The following RMP64 variants were observed in gnomAD, a reference collection of about 807,000 sequenced individuals.
RMP64 encodes the protein nucleolus and neural progenitor protein.
the RMP64 span, chr3:113,011,660 T>C: frequency 6.8e-6 from 2 of 294,302 alleles, no homozygotes; most frequent in East Asian, 5.6e-5. Flanking sequence ...AAGTACTACA[T>C]GGAGAAATGT....
At chr3:113,007,755 C>T in the RMP64 span, among the ~76,000 whole-genome samples, 2 of 152,188 alleles carry the variant, frequency 1.3e-5, no homozygotes. Context: ...GGAAGGCAGG[C>T]ACCTTCTGCT....
the RMP64 span, chr3:113,003,545 G>A: frequency 6.6e-6 from 1 of 152,120 alleles, no homozygotes; most frequent in Non-Finnish European, 1.5e-5. Flanking sequence ...CACATGTGAA[G>A]CTTTTTTGCC....
chr3:113,003,345 A>T, the RMP64 span: 4 of 152,064 alleles, frequency 2.6e-5, no homozygotes, highest in Admixed American at 1.3e-4. Flanking sequence ...CTGTCTCAAA[A>T]AATAATAATA....
At chr3:113,007,093 C>T in the RMP64 span, among the ~76,000 whole-genome samples, 1 of 152,124 alleles carries the variant, frequency 6.6e-6, no homozygotes, top group Admixed American at 6.5e-5. Flanking sequence ...GCCTCATCTA[C>T]CCTTGATTTT....
the RMP64 span, chr3:113,005,467 T>C: frequency 1.0e-6 from 1 of 992,788 alleles, no homozygotes; most frequent in Non-Finnish European, 1.6e-6. Context: ...TTCCAGATCT[T>C]AGCAGTTCTA....
At chr3:113,011,075 G>C in the RMP64 span, 1 of 1,605,732 alleles carries the variant, frequency 6.2e-7, no homozygotes, top group Non-Finnish European at 8.5e-7. Context: ...TTTACTGGCT[G>C]TCCAAGATCC....
the RMP64 span, chr3:113,019,041 C>T: frequency 6.3e-6 from 1 of 158,460 alleles, no homozygotes; most frequent in African/African-American, 2.4e-5. Context: ...TTCCCAACGC[C>T]CCTGTGAGGA....
chr3:113,003,674 T>C, the RMP64 span: 17 of 152,078 alleles, frequency 1.1e-4, no homozygotes, highest in Non-Finnish European at 1.6e-4. Flanking sequence ...CCATGCTATA[T>C]TGTCCTTAAC....
the RMP64 span, among the ~76,000 whole-genome samples, chr3:113,018,701 AT>A: frequency 6.6e-6 from 1 of 152,192 alleles, no homozygotes; most frequent in Non-Finnish European, 1.5e-5. Context: ...TTTAATATTC[AT>A]AACAGCTTCC....
At chr3:113,014,112 T>G in the RMP64 span, 1 of 848,838 alleles carries the variant, frequency 1.2e-6, no homozygotes, top group Non-Finnish European at 2.0e-6. Flanking sequence ...AAGCAAAGAC[T>G]TCTAGATTTT....
the RMP64 span, chr3:113,011,455 C>A: frequency 6.7e-7 from 1 of 1,487,090 alleles, no homozygotes; most frequent in South Asian, 1.4e-5. Context: ...TTACAATTTG[C>A]AGATTACATA....
At chr3:113,018,298 G>A in the RMP64 span, among the ~76,000 whole-genome samples, 1 of 152,196 alleles carries the variant, frequency 6.6e-6, no homozygotes, top group Non-Finnish European at 1.5e-5. Context: ...TTTTCTTACT[G>A]TCCCAACAAC....
At chr3:113,013,954 T>C in the RMP64 span, 11 of 1,610,500 alleles carry the variant, frequency 6.8e-6, no homozygotes, top group Non-Finnish European at 8.5e-6. Flanking sequence ...CTTACTTACT[T>C]GGAAGAAAAC....
At chr3:113,013,057 GCT>G in the RMP64 span, 1 of 623,840 alleles carries the variant, frequency 1.6e-6, no homozygotes, top group Admixed American at 3.0e-5. Flanking sequence ...AGCTATCAAT[GCT>G]CTTAGGATAA....
At chr3:113,005,518 TCA>T in the RMP64 span, 4 of 1,483,222 alleles carry the variant, frequency 2.7e-6, no homozygotes, top group South Asian at 3.4e-5. Context: ...CTTAAAAGTC[TCA>T]CATATGAACG....
chr3:113,017,492 G>A, the RMP64 span: 1 of 1,614,126 alleles, frequency 6.2e-7, no homozygotes, highest in Non-Finnish European at 8.5e-7. Context: ...ATTCTGTTGT[G>A]ATTGCTGTAA....
At chr3:113,003,710 A>G in the RMP64 span, 12 of 151,856 alleles carry the variant, frequency 7.9e-5, no homozygotes, top group African/African-American at 2.9e-4. Context: ...GGTTTTTCCA[A>G]TGAAAGATAA....
chr3:113,017,165 T>C, the RMP64 span, among the ~76,000 whole-genome samples: 1 of 152,208 alleles, frequency 6.6e-6, no homozygotes, highest in South Asian at 2.1e-4. Context: ...ACTGTTGTTA[T>C]AGATTGTATA....
chr3:113,011,218 G>A, the RMP64 span: 15 of 1,611,290 alleles, frequency 9.3e-6, no homozygotes, highest in East Asian at 4.5e-5. Context: ...TCCTTTAGCT[G>A]CAAAAGCTAT....
Sources: allele counts gnomAD v4.1 joint callset (sites outside exome capture counted in the v4.1 genomes callset), GRCh38; gene constraint gnomAD v4.1.1; transcripts MANE v1.5; gene names NCBI Gene and HGNC (gene_info 2026-07-23, HGNC 2026-07-21).